PLXDC2: variants seen among roughly 807,000 people sequenced by gnomAD.
PLXDC2 encodes plexin domain-containing protein 2.
A neutral mutation model predicts 68.9 loss-of-function variants in PLXDC2; 40 were observed. That is an observed-to-expected ratio of 0.58 (90% CI 0.45 to 0.76). PLXDC2 has a LOEUF of 0.76. Among genes scored for constraint, PLXDC2 ranks in the 30% least tolerant of loss-of-function variants. The pLI, the probability that PLXDC2 is intolerant of heterozygous loss-of-function variation, is 0.00. For synonymous variants in PLXDC2, 243 were observed against 234.2 expected (o/e 1.04, Z -0.34); for missense variants, 644 against 661.9 (o/e 0.97, Z 0.30).
At chr10:20,066,018 G>A (rs1036302275) in intron 3 of PLXDC2, among the ~76,000 whole-genome samples, 5 of 152,222 alleles carry the variant, frequency 3.3e-5, no homozygotes, top group East Asian at 1.9e-4. Flanking sequence ...GATAGTGACC[G>A]ATGTTTGGAG....
intron 1 of PLXDC2, among the ~76,000 whole-genome samples, chr10:19,922,416 T>C (rs1490795144): frequency 6.6e-6 from 1 of 152,202 alleles, no homozygotes; most frequent in Non-Finnish European, 1.5e-5. Flanking sequence ...CTTTGTTTAC[T>C]TGCTATTTTT....
At chr10:20,020,177 A>ATTTTTT (rs1564659038) in intron 2 of PLXDC2, among the ~76,000 whole-genome samples, 28 of 98,204 alleles carry the variant, frequency 2.9e-4, no homozygotes, top group African/African-American at 9.2e-4. Context: ...ACACCCAGCA[A>ATTTTTT]ATTTTTTTTT....
At chr10:19,858,717 G>C (rs1436910447) in intron 1 of PLXDC2, among the ~76,000 whole-genome samples, 1 of 152,112 alleles carries the variant, frequency 6.6e-6, no homozygotes, top group East Asian at 1.9e-4. Flanking sequence ...TTGCATTGTA[G>C]AGTGGTCCAG....
intron 1 of PLXDC2, among the ~76,000 whole-genome samples, chr10:19,994,763 GAC>G (rs1359628356): frequency 6.8e-6 from 1 of 146,868 alleles, no homozygotes; most frequent in Non-Finnish European, 1.5e-5. Context: ...TTGTGTGTGT[GAC>G]AGAGTCTCGC....
intron 4 of PLXDC2, among the ~76,000 whole-genome samples, chr10:20,121,967 C>T (rs895883109): frequency 6.6e-5 from 10 of 151,890 alleles, no homozygotes; most frequent in East Asian, 3.9e-4. Context: ...GGTGCATGAT[C>T]GGTTGCCAAG....
At chr10:20,269,318 C>A (rs530422928) in intron 13 of PLXDC2, among the ~76,000 whole-genome samples, 1 of 152,102 alleles carries the variant, frequency 6.6e-6, no homozygotes, top group South Asian at 2.1e-4. Flanking sequence ...ATTTTAAGGC[C>A]AAACAGCCAC....
At chr10:20,079,358 A>G (rs1308640373) in intron 4 of PLXDC2, among the ~76,000 whole-genome samples, 1 of 152,198 alleles carries the variant, frequency 6.6e-6, no homozygotes, top group East Asian at 1.9e-4. Flanking sequence ...GAAAACAACA[A>G]ATGCTGGCAA....
At chr10:19,822,540 G>A (rs1262586155) in intron 1 of PLXDC2, among the ~76,000 whole-genome samples, 1 of 152,046 alleles carries the variant, frequency 6.6e-6, no homozygotes, top group African/African-American at 2.4e-5. Flanking sequence ...ATTTTTTGAA[G>A]CAACTTCATA....
chr10:20,209,729 C>A (rs923582512), intron 9 of PLXDC2, among the ~76,000 whole-genome samples: 2 of 152,058 alleles, frequency 1.3e-5, no homozygotes, highest in Non-Finnish European at 2.9e-5. Context: ...ACATGCTCTA[C>A]AATTTGTGCA....
rs901102173 is a variant in PLXDC2 at position 20,283,332 on chromosome 10, C to G, written c.*3513C>G. Reference sequence around the variant, plus strand: ...AACAATTTTTGTCCTGTCTTTCTTGCAAGATTATTATGCAACCTGATTAAA... The same window carrying G: ...AACAATTTTTGTCCTGTCTTTCTTGGAAGATTATTATGCAACCTGATTAAA... On this transcript the variant is annotated 3_prime_UTR_variant, in exon 14 of 14. Coordinates refer to ENST00000377252, the MANE Select transcript of PLXDC2 (RefSeq NM_032812.9). 2.0e-5 allele frequency: 3 copies of G among 152,176 alleles called. No individual in the cohort carries two copies. Among genetic ancestry groups the G allele is most frequent in the Non-Finnish European group, 4.4e-5 (3 of 68,022 alleles). The allele number at this position is 152,176 out of a possible 1,614,324, so 9.4% of individuals were successfully genotyped here.
chr10:20,146,486 T>C, intron 5 of PLXDC2, among the ~76,000 whole-genome samples: 1 of 126,196 alleles, frequency 7.9e-6, no homozygotes, highest in African/African-American at 3.0e-5. Context: ...TTTTCTTTTC[T>C]TTTTCCTTCC....
intron 13 of PLXDC2, among the ~76,000 whole-genome samples, chr10:20,274,469 C>T (rs998546690): frequency 2.6e-5 from 4 of 152,106 alleles, no homozygotes; most frequent in African/African-American, 9.7e-5. Context: ...ATCCATAAGA[C>T]AGTTCTAGAA....
intron 2 of PLXDC2, among the ~76,000 whole-genome samples, chr10:20,029,147 T>C (rs1264908532): frequency 6.6e-6 from 1 of 152,166 alleles, no homozygotes; most frequent in African/African-American, 2.4e-5. Flanking sequence ...ATGAACCTTA[T>C]TTTTCTTACC....
rs1836072156 is a variant in PLXDC2, at chr10:20,280,807, CCTGT to C, written c.*991_*994del. On this transcript the variant is annotated 3_prime_UTR_variant, in exon 14 of 14. Transcript: ENST00000377252. ...CTAAACACCCATTTCATTGCTGATT[CCTGT>C]CTAAGAAGCCATTCACGTCAGCATG... 6.6e-6 allele frequency: 1 copy of C among 151,962 alleles called. No homozygotes were observed. The highest frequency in any genetic ancestry group is 1.5e-5 in the Non-Finnish European group (1 of 67,992). The allele number at this position is 151,962 out of a possible 1,614,324, so 9.4% of individuals were successfully genotyped here. A position where few individuals can be genotyped will look rare whatever the true frequency, so the allele number is the denominator to read the frequency against.
intron 9 of PLXDC2, among the ~76,000 whole-genome samples, chr10:20,184,530 A>C (rs1834653594): frequency 6.6e-6 from 1 of 151,834 alleles, no homozygotes; most frequent in Admixed American, 6.6e-5. Context: ...TTATTGATTA[A>C]AATTAATTAA....
At chr10:20,033,198 A>T (rs1389915765) in intron 2 of PLXDC2, among the ~76,000 whole-genome samples, 1 of 145,846 alleles carries the variant, frequency 6.9e-6, no homozygotes, top group African/African-American at 2.8e-5. Flanking sequence ...ATATATAAAA[A>T]AATAAAATAA....
intron 13 of PLXDC2, among the ~76,000 whole-genome samples, chr10:20,264,301 C>G (rs1835844393): frequency 6.6e-6 from 1 of 152,164 alleles, no homozygotes; most frequent in Middle Eastern, 3.4e-3. Flanking sequence ...ACAATAGACA[C>G]TGGGGTCTGC....
At chr10:19,975,704 G>C (rs1834443546) in intron 1 of PLXDC2, among the ~76,000 whole-genome samples, 1 of 152,008 alleles carries the variant, frequency 6.6e-6, no homozygotes, top group South Asian at 2.1e-4. Context: ...ACTTTTCCTT[G>C]ATTTACTGTC....
Position 20,164,491 on chromosome 10 carries a change from A to AGT in PLXDC2, c.807_808insGT (p.Ser270ValfsTer8). 1 of 1,613,392 alleles carries AGT rather than the reference A, an allele frequency of 6.2e-7. No individual in the cohort carries two copies. Among genetic ancestry groups the AGT allele is most frequent in the South Asian group, 1.1e-5 (1 of 91,078 alleles). Reference sequence around the variant, plus strand: ...AGATTCCTGTCTTGGTCACACAGATAAGTTCAACCAATCATCCAGTGAAAG... The same window carrying AGT: ...AGATTCCTGTCTTGGTCACACAGATAGTAGTTCAACCAATCATCCAGTGAAAG... On this transcript the variant is annotated frameshift_variant, in exon 7 of 14. Coordinates refer to ENST00000377252, the MANE Select transcript of PLXDC2 (RefSeq NM_032812.9). LOFTEE classifies it high-confidence loss of function.
Sources: allele counts gnomAD v4.1 joint callset (sites outside exome capture counted in the v4.1 genomes callset), GRCh38; gene constraint gnomAD v4.1.1; transcripts MANE v1.5; gene names NCBI Gene and HGNC (gene_info 2026-07-23, HGNC 2026-07-21).